ASAP1: variants seen among roughly 807,000 people sequenced by gnomAD.
ASAP1 encodes arf-GAP with SH3 domain, ANK repeat and PH domain-containing protein 1.
Under a neutral mutation model 145.2 loss-of-function variants are expected in ASAP1, and 43 were observed. The ratio of observed to expected loss-of-function variants is 0.30; its 90% CI spans 0.23 to 0.38. ASAP1 has a LOEUF of 0.38. Ranked by LOEUF, ASAP1 falls within the 10% of genes least tolerant of loss-of-function variation. The pLI, the probability that ASAP1 is intolerant of heterozygous loss-of-function variation, is 1.00. For missense variants in ASAP1, 1,018 were observed against 1,355.3 expected, an observed-to-expected ratio of 0.75 and a Z score of 3.91; for synonymous variants, 546 against 515.5, an observed-to-expected ratio of 1.06 and a Z score of -0.80.
At chr8:130,096,282 T>C (rs1742673407) in intron 24 of ASAP1, among the ~76,000 whole-genome samples, 1 of 152,058 alleles carries the variant, frequency 6.6e-6, no homozygotes, top group Admixed American at 6.5e-5. Flanking sequence ...TTATGCAAAA[T>C]AAATCTGAGT....
chr8:130,052,718 GTTTTTTTTTTGTTTTTGTT>G lies in ASAP1; in HGVS notation c.*1994_*2012del, dbSNP rs1245122637. 7.9e-6 allele frequency: 1 copy of G among 126,908 alleles called. No homozygotes were observed. The highest frequency in any genetic ancestry group is 1.7e-5 in the Non-Finnish European group (1 of 58,638). 7.9% of individuals were successfully genotyped at this position (126,908 alleles called of 1,614,324 possible). ...GTAATTTTAGACATGCAGCTTTTGT[GTTTTTTTTTTGTTTTTGTT>G]TTTTTTTTTTTTTTGAAAAAAACCA... On this transcript the variant is annotated 3_prime_UTR_variant, in exon 30 of 30. Coordinates refer to ENST00000518721, the MANE Select transcript of ASAP1 (RefSeq NM_018482.4).
chr8:130,439,995 C>G (rs372969751), intron 1 of ASAP1, among the ~76,000 whole-genome samples: 5 of 152,152 alleles, frequency 3.3e-5, no homozygotes, highest in African/African-American at 7.2e-5. Context: ...AACAACGCCA[C>G]CATACACCCA....
Position 130,358,151 on chromosome 8 carries a change from GA to G in ASAP1, c.60-9del. 6.3e-7 allele frequency: 1 copy of G among 1,599,976 alleles called. No homozygotes were observed. On this transcript the variant is annotated splice_polypyrimidine_tract_variant and intron_variant, in intron 2 of 29. Transcript: ENST00000518721. This position sits in a 1 kb window ranked among gnomAD's most constrained non-coding sequence, Gnocchi z 4.1. The stretch of plus-strand genomic sequence containing the variant: ...GAGATCTGGTCCGGCATCCTGCCGG[GA>G]GGGACGAGACACAAGCGGGGGCGGG...
rs183928863 is a variant in ASAP1, at chr8:130,260,445, T to C, written c.187-23451A>G. On this transcript the variant is annotated intron_variant, in intron 3 of 29. Coordinates refer to ENST00000518721, the MANE Select transcript of ASAP1 (RefSeq NM_018482.4). ...CTGACTAACAGAGCTGGTAAGACCT[T>C]AGAGGTAACATATTCTAATTGCCAT... Among the ~76,000 whole-genome samples the C allele has an allele frequency of 9.8e-5, 15 of 152,320 alleles. No individual in the cohort carries two copies. The East Asian group carries it at 2.3e-3, about 23-fold the overall frequency.
chr8:130,394,906 A>T (rs1420335091), intron 2 of ASAP1, among the ~76,000 whole-genome samples: 1 of 152,240 alleles, frequency 6.6e-6, no homozygotes, highest in Non-Finnish European at 1.5e-5. Flanking sequence ...CCAGGCTCAC[A>T]TGACCAGCAA....
chr8:130,182,344 T>C (rs1814411633), intron 7 of ASAP1, among the ~76,000 whole-genome samples: 1 of 152,218 alleles, frequency 6.6e-6, no homozygotes, highest in South Asian at 2.1e-4. Flanking sequence ...ATTCAATAAA[T>C]ATTTGGAAGA....
intron 27 of ASAP1, among the ~76,000 whole-genome samples, chr8:130,069,874 C>T (rs1385200808): frequency 3.3e-5 from 5 of 152,166 alleles, no homozygotes; most frequent in African/African-American, 1.2e-4. Context: ...GTCCAGGGTC[C>T]TTTGGCTCAA....
chr8:130,403,423 C>T (rs766973749), intron 1 of ASAP1, among the ~76,000 whole-genome samples: 2 of 152,194 alleles, frequency 1.3e-5, no homozygotes, highest in African/African-American at 4.8e-5. Flanking sequence ...TAACATCCCT[C>T]AACAGCTTCT....
intron 23 of ASAP1, among the ~76,000 whole-genome samples, chr8:130,114,213 G>A (rs902372065): frequency 1.3e-5 from 2 of 152,062 alleles, no homozygotes; most frequent in Non-Finnish European, 2.9e-5. Flanking sequence ...GTTCTTGTGC[G>A]AACATCATAG....
intron 3 of ASAP1, among the ~76,000 whole-genome samples, chr8:130,336,900 A>G (rs1825070675): frequency 6.6e-6 from 1 of 152,236 alleles, no homozygotes; most frequent in Admixed American, 6.5e-5. Context: ...CCAGTCTCAT[A>G]AACTATAAAT....
chr8:130,254,152 C>T (rs889520593), intron 3 of ASAP1, among the ~76,000 whole-genome samples: 22 of 152,158 alleles, frequency 1.4e-4, no homozygotes, highest in Admixed American at 3.9e-4. Flanking sequence ...AAAAATGCAG[C>T]GCAGGAGCTA....
chr8:130,068,795 T>C (rs965319358), intron 27 of ASAP1, among the ~76,000 whole-genome samples: 2 of 152,200 alleles, frequency 1.3e-5, no homozygotes, highest in Non-Finnish European at 2.9e-5. Context: ...TCTGTATGCA[T>C]GTGGGACTGG....
intron 3 of ASAP1, among the ~76,000 whole-genome samples, chr8:130,356,168 G>A (rs115548424): frequency 6.6e-6 from 1 of 152,082 alleles, no homozygotes; most frequent in East Asian, 1.9e-4. Context: ...TCTACTACAG[G>A]GTTGCTGGAA....
At chr8:130,195,076 A>T (rs1815390417) in intron 5 of ASAP1, 1 of 152,188 alleles carries the variant, frequency 6.6e-6, no homozygotes, top group South Asian at 2.1e-4. Context: ...CTAAAATTCT[A>T]TTGATTACTC....
chr8:130,376,396 G>A (rs9649962), intron 2 of ASAP1, among the ~76,000 whole-genome samples: 12,401 of 152,138 alleles, frequency 0.082, 639 homozygotes, highest in African/African-American at 0.13. Context: ...TGCAGCTGGA[G>A]CAAGAAGAGC....
At chr8:130,293,672 A>G (rs931856836) in intron 3 of ASAP1, among the ~76,000 whole-genome samples, 1 of 151,998 alleles carries the variant, frequency 6.6e-6, no homozygotes, top group African/African-American at 2.4e-5. Context: ...AAGGGTCACC[A>G]TCTACCACTC....
At chr8:130,310,148 AG>A (rs1586804891) in intron 3 of ASAP1, among the ~76,000 whole-genome samples, 1 of 50,866 alleles carries the variant, frequency 2.0e-5, no homozygotes, top group African/African-American at 7.2e-5. Flanking sequence ...TGGGGGGGGG[AG>A]GGGGGTGAGG....
chr8:130,389,103 G>A (rs72724470), intron 2 of ASAP1, among the ~76,000 whole-genome samples: 70 of 152,328 alleles, frequency 4.6e-4, no homozygotes, highest in Non-Finnish European at 7.2e-4. Context: ...TGCTCTGTGA[G>A]CATTAGCTAT....
intron 5 of ASAP1, among the ~76,000 whole-genome samples, chr8:130,206,294 C>G (rs1280409417): frequency 6.6e-6 from 1 of 152,038 alleles, no homozygotes; most frequent in Non-Finnish European, 1.5e-5. Flanking sequence ...TAGTTCAGGG[C>G]ACCCAGAAGC....
Sources: allele counts gnomAD v4.1 joint callset (sites outside exome capture counted in the v4.1 genomes callset), GRCh38; gene constraint gnomAD v4.1.1; non-coding constraint Gnocchi (gnomAD v3.1); transcripts MANE v1.5; gene names NCBI Gene and HGNC (gene_info 2026-07-23, HGNC 2026-07-21).